The following EVI5L variants were observed in gnomAD, a reference collection of about 807,000 sequenced individuals.
EVI5L encodes EVI5-like protein.
In EVI5L, 30 loss-of-function variants were observed where a neutral mutation model predicts 106.1. The observed-to-expected ratio is 0.28, with a 90% CI of 0.21 to 0.38. EVI5L has a LOEUF of 0.38. EVI5L is among the 10% of genes least tolerant of loss of function. EVI5L has a pLI of 1.00. For missense variants in EVI5L, 809 were observed against 1,098.0 expected, an observed-to-expected ratio of 0.74 and a Z score of 3.72; for synonymous variants, 489 against 483.3, an observed-to-expected ratio of 1.01 and a Z score of -0.15.
intron 10 of EVI5L, among the ~76,000 whole-genome samples, chr19:7,854,636 G>A (rs1348533441): frequency 6.6e-6 from 1 of 152,180 alleles, no homozygotes; most frequent in Non-Finnish European, 1.5e-5. Flanking sequence ...CAAAAGGTGT[G>A]CCCAGCTCCT....
At chr19:7,853,454 C>G in intron 10 of EVI5L, 121 bp downstream of exon 10, 1 of 1,366,850 alleles carries the variant, frequency 7.3e-7, no homozygotes. Flanking sequence ...ACCCGGCGGT[C>G]CTTGGCGGAC....
chr19:7,863,074 G>C lies in EVI5L; in HGVS notation c.2043+7G>C. ...TGCCGAGCTGGAGATCCAGGTGATC[G>C]GCGGGGCCGGGGTCGGGGGGCGGGG... On this transcript the variant is annotated splice_region_variant and intron_variant, in intron 18 of 19. Coordinates refer to ENST00000538904, the MANE Select transcript of EVI5L (RefSeq NM_001159944.3). The surrounding 1 kb of genome is among the most constrained non-coding windows in gnomAD (Gnocchi z 7.7). 2 of 1,523,154 alleles carry C rather than the reference G, an allele frequency of 1.3e-6. No individual in the cohort carries two copies. The highest frequency in any genetic ancestry group is 1.2e-5 in the South Asian group (1 of 82,468). The allele number at this position is 1,523,154 out of a possible 1,614,324, so 94.4% of individuals were successfully genotyped here.
Position 7,851,869 on chromosome 19 carries a change from G to T in EVI5L, c.987+99G>T, listed in dbSNP as rs576712768. The stretch of plus-strand genomic sequence containing the variant: ...TGACAGAGAGGGCCCGGCTTCGAGG[G>T]TGGAAGGTGGTGTGCCTGACATCCC... On this transcript the variant is annotated intron_variant, in intron 8 of 19. Transcript: ENST00000538904. 3.5e-4 allele frequency: 390 copies of T among 1,107,052 alleles called. 7 individuals carry two copies. The South Asian group carries it at 6.4e-3, about 18-fold the overall frequency. 68.6% of individuals were successfully genotyped at this position (1,107,052 alleles called of 1,614,324 possible).
Position 7,863,853 on chromosome 19 carries a change from G to A in EVI5L, c.*151G>A. On this transcript the variant is annotated 3_prime_UTR_variant, in exon 20 of 20. Coordinates refer to ENST00000538904, the MANE Select transcript of EVI5L (RefSeq NM_001159944.3). The surrounding 1 kb of genome is among the most constrained non-coding windows in gnomAD (Gnocchi z 7.7). ...AAGCGAGGCCCGGCGAGGCAGCGCA[G>A]AGGGTAGGGTCCGACCTGGGCTCCT... 3 of 1,147,682 alleles carry A rather than the reference G, an allele frequency of 2.6e-6. No individual in the cohort carries two copies. Among genetic ancestry groups the A allele is most frequent in the Non-Finnish European group, 3.5e-6 (3 of 851,780 alleles). The allele number at this position is 1,147,682 out of a possible 1,614,324, so 71.1% of individuals were successfully genotyped here. A position where few individuals can be genotyped will look rare whatever the true frequency, so the allele number is the denominator to read the frequency against.
rs149602935 is a variant in EVI5L at position 7,863,477 on chromosome 19, G to T, written c.2193G>T (p.Gly731=). ...TCGAGGACCCGCTGGCTTTCGATGG[G>T]CTGAGCCTGGCGCGGCACTTGGACG... ...PPFEDPLAFD[G]LSLARHLDED... Residue 731 remains glycine (G), a synonymous_variant, in exon 20 of 20, where the codon GGG becomes GGT. Transcript: ENST00000538904. The surrounding 1 kb of genome is among the most constrained non-coding windows in gnomAD (Gnocchi z 7.7). 730 of 1,571,776 alleles carry T rather than the reference G, an allele frequency of 4.6e-4. 2 individuals carry two copies. The highest frequency in any genetic ancestry group is 1.5e-3 in the Middle Eastern group (9 of 5,978).
chr19:7,855,972 C>T (rs759538596), intron 10 of EVI5L, 43 bp from the exon 11 acceptor site: 12 of 1,318,970 alleles, frequency 9.1e-6, no homozygotes, highest in Admixed American at 3.1e-5. Flanking sequence ...TGTAGACAGG[C>T]GTGGGGGGCG....
At chr19:7,843,601 G>A (rs1014398139) in intron 1 of EVI5L, among the ~76,000 whole-genome samples, 2 of 148,410 alleles carry the variant, frequency 1.3e-5, no homozygotes, top group African/African-American at 5.0e-5. Context: ...TGTGTCAAGT[G>A]TGTGTGTATA....
Position 7,858,302 on chromosome 19 carries a change from A to T in EVI5L, c.1345A>T (p.Ser449Cys). The T allele has an allele frequency of 6.5e-7, 1 of 1,549,138 alleles. No individual in the cohort carries two copies. Among genetic ancestry groups the T allele is most frequent in the South Asian group, 1.2e-5 (1 of 84,058 alleles). ...GGCCGAGGACCTGCAGAAGGCACAG[A>T]GCACCATCCGGCAGCTACAGGAGCA... The part of the protein sequence containing the change: ...SAAEDLQKAQ[S>C]TIRQLQEQQE... Residue 449 changes from serine to cysteine, a missense_variant, in exon 13 of 20, where the codon AGC becomes TGC. Transcript: ENST00000538904. The surrounding 1 kb of genome is among the most constrained non-coding windows in gnomAD (Gnocchi z 5.7).
In EVI5L at chr19:7,858,022, C is replaced by T. The variant is rs192120657; in HGVS notation, c.1234-169C>T. ...CCTATTCCTGCCTGTCACCCACCCA[C>T]GTCCCCAGGCCCAGTGGGACGCTCA... On this transcript the variant is annotated intron_variant, in intron 12 of 19. Coordinates refer to ENST00000538904, the MANE Select transcript of EVI5L (RefSeq NM_001159944.3). This position sits in a 1 kb window ranked among gnomAD's most constrained non-coding sequence, Gnocchi z 5.7. 11 of 724,954 alleles carry T rather than the reference C, an allele frequency of 1.5e-5. No individual in the cohort carries two copies. Among genetic ancestry groups the T allele is most frequent in the East Asian group, 1.4e-4 (5 of 36,034 alleles). The allele number at this position is 724,954 out of a possible 1,614,324, so 44.9% of individuals were successfully genotyped here.
intron 1 of EVI5L, among the ~76,000 whole-genome samples, chr19:7,842,457 G>A (rs558418577): frequency 6.8e-6 from 1 of 147,584 alleles, no homozygotes; most frequent in African/African-American, 2.6e-5. Flanking sequence ...ATGTGTGAAT[G>A]TGTGTGTATC....
chr19:7,860,982 G>A (rs1408937478), intron 14 of EVI5L, among the ~76,000 whole-genome samples: 1 of 152,118 alleles, frequency 6.6e-6, no homozygotes, highest in Non-Finnish European at 1.5e-5. Flanking sequence ...GGGGGATGGG[G>A]GAGGGGGACA....
At position 7,863,464 on chromosome 19, in the gene EVI5L, T is replaced by C. The variant is rs1442594653; in HGVS notation, c.2180T>C (p.Leu727Pro). ...LKGPPPFEDPLAFDGLSLARH... is the reference protein window; with the variant it reads ...LKGPPPFEDPPAFDGLSLARH... ...GGCCCGCCGCCCTTCGAGGACCCGC[T>C]GGCTTTCGATGGGCTGAGCCTGGCG... is the stretch of plus-strand genomic sequence containing the variant. Residue 727 changes from leucine to proline, a missense_variant, in exon 20 of 20, where the codon CTG becomes CCG. By Grantham distance (98) the Leu-to-Pro change is moderately conservative. Coordinates refer to ENST00000538904, the MANE Select transcript of EVI5L (RefSeq NM_001159944.3). The surrounding 1 kb of genome is among the most constrained non-coding windows in gnomAD (Gnocchi z 7.7). 6.4e-7 allele frequency: 1 copy of C among 1,564,014 alleles called. No homozygotes were observed. The highest frequency in any genetic ancestry group is 1.2e-5 in the South Asian group (1 of 85,358).
chr19:7,853,834 T>C (rs1979384945), intron 10 of EVI5L, among the ~76,000 whole-genome samples: 1 of 152,138 alleles, frequency 6.6e-6, no homozygotes, highest in Admixed American at 6.5e-5. Flanking sequence ...CCAGGGTGTG[T>C]AGGGCAGGGT....
intron 1 of EVI5L, among the ~76,000 whole-genome samples, chr19:7,834,875 C>G (rs1978318442): frequency 1.3e-5 from 2 of 152,140 alleles, no homozygotes; most frequent in Non-Finnish European, 2.9e-5. Flanking sequence ...CCTATAATCC[C>G]AGCACTTTGA....
intron 1 of EVI5L, among the ~76,000 whole-genome samples, chr19:7,841,852 A>G (rs1280416713): frequency 6.6e-6 from 1 of 152,178 alleles, no homozygotes; most frequent in East Asian, 1.9e-4. Context: ...GCCCTCAGTC[A>G]GCACCAGGAA....
At chr19:7,836,501 A>G (rs892349612) in intron 1 of EVI5L, among the ~76,000 whole-genome samples, 2 of 152,222 alleles carry the variant, frequency 1.3e-5, no homozygotes, top group African/African-American at 2.4e-5. Context: ...GGCAAAGGCT[A>G]TACAGTCAGA....
At chr19:7,836,879 C>A (rs1978364713) in intron 1 of EVI5L, among the ~76,000 whole-genome samples, 2 of 151,430 alleles carry the variant, frequency 1.3e-5, no homozygotes, top group South Asian at 2.1e-4. Context: ...TGATCTGCCC[C>A]CCCTCAGCCT....
chr19:7,836,944 T>C (rs942633021), intron 1 of EVI5L, among the ~76,000 whole-genome samples: 1 of 151,798 alleles, frequency 6.6e-6, no homozygotes, highest in Non-Finnish European at 1.5e-5. Flanking sequence ...TTATTATTAT[T>C]TTTAAAATAG....
chr19:7,838,677 G>A lies in EVI5L; in HGVS notation c.-47-7819G>A, dbSNP rs769013508. On this transcript the variant is annotated intron_variant, in intron 1 of 19. Coordinates refer to ENST00000538904, the MANE Select transcript of EVI5L (RefSeq NM_001159944.3). ...GAAGAGAGGCTCTTGTCCTCAAATCGTGCATGACCCTAGGGCAGGCAGGCA... is the reference window on the plus strand; with the variant it reads ...GAAGAGAGGCTCTTGTCCTCAAATCATGCATGACCCTAGGGCAGGCAGGCA... 4.9e-4 allele frequency among the ~76,000 whole-genome samples: 74 copies of A among 152,116 alleles called. 1 individual carries two copies. Among genetic ancestry groups the A allele is most frequent in the Non-Finnish European group, 6.8e-4 (46 of 68,028 alleles).
Sources: allele counts gnomAD v4.1 joint callset (sites outside exome capture counted in the v4.1 genomes callset), GRCh38; gene constraint gnomAD v4.1.1; non-coding constraint Gnocchi (gnomAD v3.1); transcripts MANE v1.5; gene names NCBI Gene and HGNC (gene_info 2026-07-23, HGNC 2026-07-21).